Variants in CELSR3 observed in about 807,000 individuals in gnomAD.
The protein encoded by CELSR3 is cadherin EGF LAG seven-pass G-type receptor 3.
A neutral mutation model predicts 270.0 loss-of-function variants in CELSR3; 73 were observed. The ratio of observed to expected loss-of-function variants is 0.27; its 90% CI spans 0.22 to 0.33. CELSR3 has a LOEUF of 0.33. Among genes scored for constraint, CELSR3 ranks in the 10% least tolerant of loss-of-function variants. CELSR3 has a pLI of 1.00. For missense variants in CELSR3, 3,614 were observed against 4,533.8 expected (o/e 0.80, Z 5.83); for synonymous variants, 1,780 against 1,905.4 (o/e 0.93, Z 1.71).
Position 48,639,692 on chromosome 3 carries a change from T to G in CELSR3, c.9893A>C (p.Glu3298Ala). 1.2e-6 allele frequency: 2 copies of G among 1,613,446 alleles called. No individual in the cohort carries two copies. The highest frequency in any genetic ancestry group is 1.7e-6 in the Non-Finnish European group (2 of 1,179,922). ...TACTTACTCTGAGTCTGGCGACAGCTCCGAGATGCTGTGAGACGTGGCAGA... is the reference window on the plus strand; with the variant it reads ...TACTTACTCTGAGTCTGGCGACAGCGCCGAGATGCTGTGAGACGTGGCAGA... ...PRSATSHSIS[E>A]LSPDSEVPRS... Residue 3298 changes from glutamate (E) to alanine (A), a missense_variant, in exon 34 of 35, where the codon GAG becomes GCG. Glu to Ala is a moderately radical substitution (Grantham distance 107). Coordinates refer to ENST00000164024, the MANE Select transcript of CELSR3 (RefSeq NM_001407.3). The surrounding 1 kb of genome is among the most constrained non-coding windows in gnomAD (Gnocchi z 4.1).
Position 48,657,311 on chromosome 3 carries a change from G to A in CELSR3, c.3786C>T (p.Arg1262=). ...GCAACTCCTCCGTGATGATGACCAC[G>A]CGCAGCACACACTGCGCCGTCACGC... is the stretch of plus-strand genomic sequence containing the variant. ...LHSVTAQCVL[R]VVIITEELLA... Residue 1262 remains arginine, a synonymous_variant, in exon 2 of 35, where the codon CGC becomes CGT. Coordinates refer to ENST00000164024, the MANE Select transcript of CELSR3 (RefSeq NM_001407.3). The surrounding 1 kb of genome is among the most constrained non-coding windows in gnomAD (Gnocchi z 5.4). 6.2e-7 allele frequency: 1 copy of A among 1,608,950 alleles called. No individual in the cohort carries two copies. Among genetic ancestry groups the A allele is most frequent in the Admixed American group, 1.7e-5 (1 of 59,376 alleles).
Position 48,644,255 on chromosome 3 carries a change from C to A in CELSR3, c.8126G>T (p.Cys2709Phe). The change falls in exon 27 of 35, where the codon TGC becomes TTC. Residue 2709 changes from cysteine (C) to phenylalanine (F), a missense_variant. By Grantham distance (205) the Cys-to-Phe change is radical. Coordinates refer to ENST00000164024, the MANE Select transcript of CELSR3 (RefSeq NM_001407.3). This position sits in a 1 kb window ranked among gnomAD's most constrained non-coding sequence, Gnocchi z 4.8. ...TMFLLAARTS[C>F]STGQREAKKT... Reference sequence around the variant, plus strand: ...CTTGGCCTCCCTCTGCCCTGTGGAGCAGGATGTGCGGGCAGCGAGGAGAAA... The same window carrying A: ...CTTGGCCTCCCTCTGCCCTGTGGAGAAGGATGTGCGGGCAGCGAGGAGAAA... The A allele has an allele frequency of 1.2e-6, 2 of 1,613,146 alleles. No homozygotes were observed. Among genetic ancestry groups the A allele is most frequent in the Non-Finnish European group, 1.7e-6 (2 of 1,179,934 alleles).
chr3:48,658,868 C>T lies in CELSR3; in HGVS notation c.3748+19G>A, dbSNP rs1310494797. The T allele has an allele frequency of 6.2e-7, 1 of 1,606,950 alleles. No homozygotes were observed. Among genetic ancestry groups the T allele is most frequent in the East Asian group, 2.2e-5 (1 of 44,788 alleles). ...CAGGTTGGTGTCACTGGGTCACTTG[C>T]CTGCCCCCTGCCCCTCACCTGTGAC... On this transcript the variant is annotated intron_variant, in intron 1 of 34. Transcript: ENST00000164024. The surrounding 1 kb of genome is among the most constrained non-coding windows in gnomAD (Gnocchi z 4.7).
chr3:48,659,068 C>T lies in CELSR3; in HGVS notation c.3567G>A (p.Ser1189=), dbSNP rs145165696. 440 of 1,614,122 alleles carry T rather than the reference C, an allele frequency of 2.7e-4. 1 individual carries two copies. Among genetic ancestry groups the T allele is most frequent in the Admixed American group, 3.3e-4 (20 of 60,008 alleles). ...YVSNRSDTFP[S]GIIGRIPAYD... is the part of the protein sequence containing the mutation. Reference sequence around the variant, plus strand: ...AAGCTGGGATGCGCCCAATAATGCCCGACGGGAAGGTGTCTGAACGGTTGG... The same window carrying T: ...AAGCTGGGATGCGCCCAATAATGCCTGACGGGAAGGTGTCTGAACGGTTGG... The change falls in exon 1 of 35, where the codon TCG becomes TCA. Residue 1189 remains serine, a synonymous_variant. Coordinates refer to ENST00000164024, the MANE Select transcript of CELSR3 (RefSeq NM_001407.3). This position sits in a 1 kb window ranked among gnomAD's most constrained non-coding sequence, Gnocchi z 8.1.
At position 48,637,187 on chromosome 3, in the gene CELSR3, T is replaced by A. The variant is rs748111121; in HGVS notation, c.*1018A>T. ...GGTCGTAACAGTCATTTTTCCCTTT[T>A]TAAGGGAATAAAGGAGGAGTGGAAC... On this transcript the variant is annotated 3_prime_UTR_variant, in exon 35 of 35. Transcript: ENST00000164024. The A allele has an allele frequency of 6.6e-6, 1 of 152,624 alleles. No individual in the cohort carries two copies. The highest frequency in any genetic ancestry group is 2.4e-5 in the African/African-American group (1 of 41,448). 9.5% of individuals were successfully genotyped at this position (152,624 alleles called of 1,614,324 possible). A position where few individuals can be genotyped will look rare whatever the true frequency, so the allele number is the denominator to read the frequency against.
chr3:48,640,481 G>C lies in CELSR3; in HGVS notation c.9104C>G (p.Ala3035Gly). The C allele has an allele frequency of 6.2e-7, 1 of 1,612,144 alleles. No homozygotes were observed. The highest frequency in any genetic ancestry group is 8.5e-7 in the Non-Finnish European group (1 of 1,179,808). Reference protein sequence around the residue: ...GAPELSWCRAATLGHRAVPAA... With the variant: ...GAPELSWCRAGTLGHRAVPAA... ...TGGCACAGCACGGTGGCCCAAGGTG[G>C]CTGCACGGCACCAGGACAGCTCAGG... The change falls in exon 34 of 35, where the codon GCC (alanine) becomes GGC (glycine). Residue 3035 changes from alanine to glycine, a missense_variant. Physicochemically the swap from Ala to Gly is moderately conservative, Grantham distance 60 (BLOSUM62 0). Coordinates refer to ENST00000164024, the MANE Select transcript of CELSR3 (RefSeq NM_001407.3). The surrounding 1 kb of genome is among the most constrained non-coding windows in gnomAD (Gnocchi z 7.5).
rs2077078834 is a variant in CELSR3, at chr3:48,662,687, G to A, written c.-53C>T. 1.1e-6 allele frequency: 1 copy of A among 880,626 alleles called. No homozygotes were observed. Among genetic ancestry groups the A allele is most frequent in the Non-Finnish European group, 1.5e-6 (1 of 657,364 alleles). 54.6% of individuals were successfully genotyped at this position (880,626 alleles called of 1,614,324 possible). A position where few individuals can be genotyped will look rare whatever the true frequency, so the allele number is the denominator to read the frequency against. ...GCCCCCCGCCCCGGTCCGGGCCTTG[G>A]GCTGGCCCCGCCGCTCGGGCCCCCT... On this transcript the variant is annotated 5_prime_UTR_variant, in exon 1 of 35. Coordinates refer to ENST00000164024, the MANE Select transcript of CELSR3 (RefSeq NM_001407.3). The surrounding 1 kb of genome is among the most constrained non-coding windows in gnomAD (Gnocchi z 7.1).
rs1348970832 is a variant in CELSR3 at position 48,650,463 on chromosome 3, T to C, written c.6472+17A>G. On this transcript the variant is annotated intron_variant, in intron 16 of 34. Transcript: ENST00000164024. The surrounding 1 kb of genome is among the most constrained non-coding windows in gnomAD (Gnocchi z 5.1). Reference sequence around the variant, plus strand: ...CACCCCCACCCTCAGTGATGTCCTTTCCCCCCACATACTCACCCAGGGCCC... The same window carrying C: ...CACCCCCACCCTCAGTGATGTCCTTCCCCCCCACATACTCACCCAGGGCCC... 6 of 1,011,536 alleles carry C rather than the reference T, an allele frequency of 5.9e-6. No homozygotes were observed. The highest frequency in any genetic ancestry group is 2.0e-5 in the Admixed American group (1 of 50,736). The allele number at this position is 1,011,536 out of a possible 1,614,324, so 62.7% of individuals were successfully genotyped here.
At position 48,643,502 on chromosome 3, in the gene CELSR3, G is replaced by C. The variant is rs2106700409; in HGVS notation, c.8289+52C>G. 8 of 1,536,220 alleles carry C rather than the reference G, an allele frequency of 5.2e-6. No homozygotes were observed. The South Asian group carries it at 8.4e-5, about 16-fold the overall frequency. On this transcript the variant is annotated intron_variant, in intron 28 of 34. Coordinates refer to ENST00000164024, the MANE Select transcript of CELSR3 (RefSeq NM_001407.3). ...CAACGTCTGCCTAGGGATGGCCCCA[G>C]CCTACTGAAGGCCCACCTGGTTCTG...
In CELSR3 at chr3:48,662,467, G is replaced by A. The variant is rs2077075827; in HGVS notation, c.168C>T (p.Ile56=). The stretch of plus-strand genomic sequence containing the variant: ...GACAAAGAGCTAAGGCTCCGCCACC[G>A]ATATGCGCCCTTGGCCCCGTAGTGG... The part of the protein sequence containing the change: ...LAATTGPRAH[I]GGGALALCPE... The change falls in exon 1 of 35, where the codon ATC becomes ATT. Residue 56 remains isoleucine, a synonymous_variant. Coordinates refer to ENST00000164024, the MANE Select transcript of CELSR3 (RefSeq NM_001407.3). This position sits in a 1 kb window ranked among gnomAD's most constrained non-coding sequence, Gnocchi z 7.1. The A allele has an allele frequency of 6.2e-7, 1 of 1,612,778 alleles. No individual in the cohort carries two copies. The highest frequency in any genetic ancestry group is 1.7e-4 in the Middle Eastern group (1 of 6,058).
At position 48,657,137 on chromosome 3, in the gene CELSR3, G is replaced by A. The variant is rs2077030558; in HGVS notation, c.3960C>T (p.Asp1320=). The A allele has an allele frequency of 6.2e-7, 1 of 1,614,030 alleles. No homozygotes were observed. ...VFIFNIQNDT[D]VGGTVLNVSF... is the part of the protein sequence containing the mutation. Reference sequence around the variant, plus strand: ...TCACATTGAGCACGGTGCCCCCTACGTCTGTGTCGTTCTGGATGTTGAAGA... The same window carrying A: ...TCACATTGAGCACGGTGCCCCCTACATCTGTGTCGTTCTGGATGTTGAAGA... The change falls in exon 2 of 35, where the codon GAC becomes GAT. Residue 1320 remains aspartate, a synonymous_variant. Coordinates refer to ENST00000164024, the MANE Select transcript of CELSR3 (RefSeq NM_001407.3). The surrounding 1 kb of genome is among the most constrained non-coding windows in gnomAD (Gnocchi z 5.4).
rs758856889 is a variant in CELSR3 at position 48,661,596 on chromosome 3, C to T, written c.1039G>A (p.Val347Met). 7 of 1,609,360 alleles carry T rather than the reference C, an allele frequency of 4.3e-6. No homozygotes were observed. The highest frequency in any genetic ancestry group is 2.2e-5 in the South Asian group (2 of 90,898). Reference protein sequence around the residue: ...NEAAGTAVLRVVAQDPDAGEA... With the variant: ...NEAAGTAVLRMVAQDPDAGEA... ...CCGGCGTCCGGGTCCTGAGCAACCACGCGTAGCACCGCGGTGCCTGCTGCC... is the reference window on the plus strand; with the variant it reads ...CCGGCGTCCGGGTCCTGAGCAACCATGCGTAGCACCGCGGTGCCTGCTGCC... Residue 347 changes from valine (V) to methionine (M), a missense_variant, in exon 1 of 35, where the codon GTG (valine) becomes ATG (methionine). Val to Met is a conservative substitution (Grantham distance 21). This residue lies in a region of CELSR3 where 354 missense variants were observed against 500.9 expected (regional missense o/e 0.71). Transcript: ENST00000164024.
chr3:48,639,295 G>T lies in CELSR3; in HGVS notation c.9911+379C>A, dbSNP rs149247429. On this transcript the variant is annotated intron_variant, in intron 34 of 34. Coordinates refer to ENST00000164024, the MANE Select transcript of CELSR3 (RefSeq NM_001407.3). This position sits in a 1 kb window ranked among gnomAD's most constrained non-coding sequence, Gnocchi z 4.1. ...CCTTGTCCTATATGACCCCCTAGGC[G>T]AACCTTCCCAAGCAAGGCCTCCTGC... Among the ~76,000 whole-genome samples, 2 of 152,058 alleles carry T rather than the reference G, an allele frequency of 1.3e-5. No homozygotes were observed. The highest frequency in any genetic ancestry group is 4.8e-5 in the African/African-American group (2 of 41,414).
Position 48,661,846 on chromosome 3 carries a change from G to C in CELSR3, c.789C>G (p.Arg263=), listed in dbSNP as rs759962374. The change falls in exon 1 of 35, where the codon CGC becomes CGG. Residue 263 remains arginine (R), a synonymous_variant. Transcript: ENST00000164024. The stretch of plus-strand genomic sequence containing the variant: ...CCGGCTCGGGAGCTGTCCGAGACTC[G>C]CGGGGTGCTGAACCTGATGCAGGAG... ...RTAPASGSAP[R]ESRTAPEPAP... The C allele has an allele frequency of 1.2e-6, 2 of 1,610,304 alleles. No individual in the cohort carries two copies. The highest frequency in any genetic ancestry group is 1.7e-6 in the Non-Finnish European group (2 of 1,179,638).
chr3:48,648,593 A>C, intron 18 of CELSR3, 126 bp downstream of exon 18: 2 of 1,386,126 alleles, frequency 1.4e-6, no homozygotes, highest in Non-Finnish European at 1.9e-6. Flanking sequence ...GGAGAGGACA[A>C]GGACAGAGGG....
Position 48,660,323 on chromosome 3 carries a change from A to T in CELSR3, c.2312T>A (p.Val771Glu). 1 of 1,614,124 alleles carries T rather than the reference A, an allele frequency of 6.2e-7. No homozygotes were observed. Among genetic ancestry groups the T allele is most frequent in the Non-Finnish European group, 8.5e-7 (1 of 1,180,032 alleles). ...YHLRLNEDAAVGTSVVSVTAV... is the reference protein window; with the variant it reads ...YHLRLNEDAAEGTSVVSVTAV... ...GGTCACGCTGACCACACTGGTGCCCACAGCTGCATCCTCATTCAGTCGTAG... is the reference window on the plus strand; with the variant it reads ...GGTCACGCTGACCACACTGGTGCCCTCAGCTGCATCCTCATTCAGTCGTAG... Residue 771 changes from valine to glutamate, a missense_variant, in exon 1 of 35, where the codon GTG becomes GAG. By Grantham distance (121) the Val-to-Glu change is moderately radical. This residue lies in a region of CELSR3 where 215 missense variants were observed against 241.2 expected (regional missense o/e 0.89). Coordinates refer to ENST00000164024, the MANE Select transcript of CELSR3 (RefSeq NM_001407.3). The surrounding 1 kb of genome is among the most constrained non-coding windows in gnomAD (Gnocchi z 5.5).
rs2077032972 is a variant in CELSR3 at position 48,657,452 on chromosome 3, C to CT, written c.3749-105dup. On this transcript the variant is annotated intron_variant, in intron 1 of 34. Coordinates refer to ENST00000164024, the MANE Select transcript of CELSR3 (RefSeq NM_001407.3). This position sits in a 1 kb window ranked among gnomAD's most constrained non-coding sequence, Gnocchi z 5.4. ...GCGATAGCCTAGGCCCCCAGAACCT[C>CT]TAAGTCAGCAGGCTGACCCCACCAG... 2 of 1,264,684 alleles carry CT rather than the reference C, an allele frequency of 1.6e-6. No individual in the cohort carries two copies. Among genetic ancestry groups the CT allele is most frequent in the African/African-American group, 3.0e-5 (2 of 66,402 alleles). 78.3% of individuals were successfully genotyped at this position (1,264,684 alleles called of 1,614,324 possible).
At position 48,650,675 on chromosome 3, in the gene CELSR3, C is replaced by G. The variant is rs2047129268; in HGVS notation, c.6371-94G>C. The G allele has an allele frequency of 3.6e-6, 4 of 1,118,492 alleles. No homozygotes were observed. Among genetic ancestry groups the G allele is most frequent in the African/African-American group, 3.2e-5 (2 of 62,788 alleles). The allele number at this position is 1,118,492 out of a possible 1,614,324, so 69.3% of individuals were successfully genotyped here. ...CCTCCACCACCCCCCACAAGGCCCA[C>G]TGCCCGCCACTCCTGCTGGCTTCTC... On this transcript the variant is annotated intron_variant, in intron 15 of 34. Transcript: ENST00000164024. The surrounding 1 kb of genome is among the most constrained non-coding windows in gnomAD (Gnocchi z 5.1).
chr3:48,661,917 C>T lies in CELSR3; in HGVS notation c.718G>A (p.Gly240Arg). 6.2e-7 allele frequency: 1 copy of T among 1,612,890 alleles called. No individual in the cohort carries two copies. The highest frequency in any genetic ancestry group is 8.5e-7 in the Non-Finnish European group (1 of 1,179,982). The change falls in exon 1 of 35, where the codon GGA (glycine) becomes AGA (arginine). Residue 240 changes from glycine (G) to arginine (R), a missense_variant. Gly to Arg is a moderately radical substitution (Grantham distance 125). This residue lies in a region of CELSR3 where 470 missense variants were observed against 469.7 expected (regional missense o/e 1.00). Transcript: ENST00000164024. ...PRRNCLPGAS[G>R]SGPELDSAPR... Reference sequence around the variant, plus strand: ...GCTGAATCCAGCTCGGGGCCAGATCCCGAGGCCCCTGGAAGACAGTTCCGC... The same window carrying T: ...GCTGAATCCAGCTCGGGGCCAGATCTCGAGGCCCCTGGAAGACAGTTCCGC...
Sources: gnomAD v4.1 joint callset for allele counts (sites outside exome capture counted in the v4.1 genomes callset) on GRCh38, gnomAD v4.1.1 for gene constraint, gnomAD v4.1.1 regional missense constraint, Gnocchi (gnomAD v3.1) non-coding constraint, MANE v1.5 for transcripts, NCBI Gene and HGNC (gene_info 2026-07-23, HGNC 2026-07-21) for gene names.